The following PDE4D variants were observed in gnomAD, a reference collection of about 807,000 sequenced individuals.
The protein encoded by PDE4D is 3',5'-cyclic-AMP phosphodiesterase 4D.
A neutral mutation model predicts 87.4 loss-of-function variants in PDE4D; 24 were observed. The ratio of observed to expected loss-of-function variants is 0.27; its 90% confidence interval spans 0.20 to 0.39. The LOEUF (loss-of-function observed/expected upper bound fraction) is 0.39. Ranked by LOEUF, PDE4D falls within the 10% of genes least tolerant of loss-of-function variation. PDE4D has a pLI of 1.00. For synonymous variants in PDE4D, 384 were observed against 383.2 expected (o/e 1.00, Z -0.02); for missense variants, 714 against 1,041.0 (o/e 0.69, Z 4.32).
chr5:59,961,237 G>T (rs1424240779), intron 3 of PDE4D, among the ~76,000 whole-genome samples: 1 of 150,946 alleles, frequency 6.6e-6, no homozygotes, highest in Non-Finnish European at 1.5e-5. Context: ...CAAGTCCAAT[G>T]ATTTATGATT....
chr5:59,145,757 T>C lies in PDE4D; in HGVS notation c.808+34838A>G, dbSNP rs565648386. 1.2e-4 allele frequency among the ~76,000 whole-genome samples: 18 copies of C among 152,314 alleles called. No individual in the cohort carries two copies. The South Asian group carries it at 3.5e-3, about 30-fold the overall frequency. Reference sequence around the variant, plus strand: ...CATGTCTGCGAAATCATGTGGTGTTTCTAGTGAACATAAACACATTTACAG... The same window carrying C: ...CATGTCTGCGAAATCATGTGGTGTTCCTAGTGAACATAAACACATTTACAG... On this transcript the variant is annotated intron_variant, in intron 5 of 14. Coordinates refer to ENST00000340635, the MANE Select transcript of PDE4D (RefSeq NM_001104631.2).
intron 1 of PDE4D, among the ~76,000 whole-genome samples, chr5:60,191,534 C>T (rs1785197610): frequency 6.6e-6 from 1 of 152,164 alleles, no homozygotes; most frequent in Non-Finnish European, 1.5e-5. Context: ...TTGTAAGTTT[C>T]CTGAGACCTC....
chr5:59,379,706 G>C (rs984194674), intron 1 of PDE4D, among the ~76,000 whole-genome samples: 24 of 151,778 alleles, frequency 1.6e-4, no homozygotes, highest in African/African-American at 5.3e-4. Context: ...ATATACCTAG[G>C]TTCTCAATAT....
chr5:59,791,532 G>A (rs923318841), intron 1 of PDE4D, among the ~76,000 whole-genome samples: 3 of 152,100 alleles, frequency 2.0e-5, no homozygotes, highest in African/African-American at 4.8e-5. Context: ...CCCTCAACTC[G>A]TATTGACAGA....
chr5:59,309,377 C>T (rs113355791), intron 1 of PDE4D, among the ~76,000 whole-genome samples: 3,290 of 152,244 alleles, frequency 0.022, 119 homozygotes, highest in African/African-American at 0.074. Flanking sequence ...TGGATGGATC[C>T]CTGTGATGCC....
chr5:59,692,633 G>C (rs989686624), intron 1 of PDE4D, among the ~76,000 whole-genome samples: 9 of 152,094 alleles, frequency 5.9e-5, no homozygotes, highest in African/African-American at 2.2e-4. Context: ...ATGTTGTAGA[G>C]TATTGCTGAA....
chr5:59,700,273 A>G (rs1279313795), intron 1 of PDE4D, among the ~76,000 whole-genome samples: 3 of 152,230 alleles, frequency 2.0e-5, no homozygotes, highest in Admixed American at 6.5e-5. Flanking sequence ...GCTAAATAGA[A>G]AAACATTTTG....
At chr5:59,173,260 A>G (rs1390350478) in intron 5 of PDE4D, among the ~76,000 whole-genome samples, 4 of 152,200 alleles carry the variant, frequency 2.6e-5, no homozygotes, top group Admixed American at 2.6e-4. Flanking sequence ...AAACAAGTCT[A>G]ACTTCAATCA....
At chr5:59,680,322 T>C (rs987212638) in intron 1 of PDE4D, among the ~76,000 whole-genome samples, 3 of 152,278 alleles carry the variant, frequency 2.0e-5, no homozygotes, top group Middle Eastern at 6.8e-3. Context: ...ACAAACTTGT[T>C]CAGATTTTCT....
chr5:60,157,066 C>T, intron 2 of PDE4D, among the ~76,000 whole-genome samples: 1 of 152,006 alleles, frequency 6.6e-6, no homozygotes, highest in East Asian at 1.9e-4. Flanking sequence ...TTTAAAGACA[C>T]CATATTCACA....
Position 60,156,468 on chromosome 5 carries a change from C to T in PDE4D, c.42+29089G>A, listed in dbSNP as rs372809396. On this transcript the variant is annotated intron_variant, in intron 2 of 16. Coordinates refer to the PDE4D transcript ENST00000502484. The stretch of plus-strand genomic sequence containing the variant: ...ACTTTACTCATAAATTCTTCAGTTA[C>T]ATGTATATTCCTAGATAATAAAAAC... 9.9e-5 allele frequency among the ~76,000 whole-genome samples: 15 copies of T among 152,150 alleles called. No homozygotes were observed. The East Asian group carries it at 1.3e-3, about 14-fold the overall frequency.
At chr5:59,214,244 C>A (rs558998156) in intron 2 of PDE4D, among the ~76,000 whole-genome samples, 1 of 152,186 alleles carries the variant, frequency 6.6e-6, no homozygotes, top group South Asian at 2.1e-4. Context: ...ATAGAGTAAT[C>A]AAGATGCAAT....
chr5:59,274,806 A>C (rs558230587), intron 1 of PDE4D, among the ~76,000 whole-genome samples: 1 of 152,280 alleles, frequency 6.6e-6, no homozygotes, highest in South Asian at 2.1e-4. Flanking sequence ...ACTAGGAATC[A>C]TTTCTAATAA....
intron 5 of PDE4D, among the ~76,000 whole-genome samples, chr5:59,170,785 C>A (rs919203551): frequency 6.6e-6 from 1 of 151,926 alleles, no homozygotes; most frequent in African/African-American, 2.4e-5. Context: ...TAACCCCTAC[C>A]TAAATAGAAT....
chr5:59,244,683 TGTG>T (rs1758461197), intron 1 of PDE4D, among the ~76,000 whole-genome samples: 1 of 40,322 alleles, frequency 2.5e-5, no homozygotes, highest in Admixed American at 2.4e-4. Flanking sequence ...TGTGTGTCTG[TGTG>T]TGTGTGTGTG....
chr5:60,285,005 T>C (rs1752283880), intron 1 of PDE4D, among the ~76,000 whole-genome samples: 1 of 152,076 alleles, frequency 6.6e-6, no homozygotes, highest in Admixed American at 6.6e-5. Context: ...CAGTGTTTCT[T>C]TGTAATTGAG....
At chr5:59,651,147 T>G (rs1007415839) in intron 1 of PDE4D, among the ~76,000 whole-genome samples, 1 of 151,290 alleles carries the variant, frequency 6.6e-6, no homozygotes, top group African/African-American at 2.4e-5. Context: ...TCCCAGCTAC[T>G]CGGGAGGCTG....
chr5:59,757,158 G>GAA (rs1761370338), intron 1 of PDE4D, among the ~76,000 whole-genome samples: 1 of 152,030 alleles, frequency 6.6e-6, no homozygotes, highest in Admixed American at 6.6e-5. Flanking sequence ...ACATGAACTA[G>GAA]AAGACAGCAT....
At chr5:59,475,495 T>C (rs1399492246) in intron 1 of PDE4D, among the ~76,000 whole-genome samples, 1 of 152,090 alleles carries the variant, frequency 6.6e-6, no homozygotes, top group East Asian at 1.9e-4. Flanking sequence ...AATTTTTACT[T>C]TTCCCACCTT....
Sources: allele counts gnomAD v4.1 joint callset (sites outside exome capture counted in the v4.1 genomes callset), GRCh38; gene constraint gnomAD v4.1.1; transcripts MANE v1.5; gene names NCBI Gene and HGNC (gene_info 2026-07-23, HGNC 2026-07-21).